Variants in ROBO2 observed in about 807,000 individuals in gnomAD.
The protein encoded by ROBO2 is roundabout homolog 2.
ROBO2 carries 53 observed loss-of-function variants against 160.8 expected under a neutral mutation model. The ratio of observed to expected loss-of-function variants is 0.33; its 90% CI spans 0.26 to 0.41. ROBO2 has a LOEUF of 0.41. Among genes scored for constraint, ROBO2 ranks in the 10% least tolerant of loss-of-function variants. The probability of loss-of-function intolerance (pLI) is 1.00; values close to 1 mark genes in which losing one functional copy is unlikely to be tolerated. For missense variants in ROBO2, 1,577 were observed against 1,722.4 expected (o/e 0.92, Z 1.49); for synonymous variants, 664 against 611.7 (o/e 1.09, Z -1.26).
rs539974671 is a variant in ROBO2, at chr3:76,954,845, A to G, written c.110-143169A>G. Among the ~76,000 whole-genome samples the G allele has an allele frequency of 6.3e-4, 96 of 152,338 alleles. 1 individual carries two copies. Among genetic ancestry groups the G allele is most frequent in the South Asian group, 3.3e-3 (16 of 4,832 alleles). ...TAAAGTCAGAAAGTAAATAATCAGA[A>G]TTTCCATGTACACATAAAAAATTAT... On this transcript the variant is annotated intron_variant, in intron 2 of 26. Transcript: ENST00000487694.
At chr3:77,461,989 G>A (rs909041053) in intron 2 of ROBO2, among the ~76,000 whole-genome samples, 1 of 152,164 alleles carries the variant, frequency 6.6e-6, no homozygotes, top group Non-Finnish European at 1.5e-5. Flanking sequence ...GCCTCTCAAA[G>A]TGCTGGGATT....
intron 2 of ROBO2, among the ~76,000 whole-genome samples, chr3:76,469,686 A>G (rs1314534010): frequency 6.6e-6 from 1 of 151,878 alleles, no homozygotes; most frequent in Non-Finnish European, 1.5e-5. Flanking sequence ...TCAGTTAACT[A>G]CTCATCACCT....
intron 2 of ROBO2, among the ~76,000 whole-genome samples, chr3:76,907,985 G>C (rs147482799): frequency 6.6e-6 from 1 of 151,918 alleles, no homozygotes; most frequent in African/African-American, 2.4e-5. Context: ...GATTATAGGC[G>C]CCCACCACCG....
At chr3:76,618,643 A>G (rs945871462) in intron 2 of ROBO2, among the ~76,000 whole-genome samples, 3 of 151,640 alleles carry the variant, frequency 2.0e-5, no homozygotes, top group African/African-American at 7.3e-5. Flanking sequence ...TAGCTTTCTC[A>G]TATGTGTATT....
intron 2 of ROBO2, among the ~76,000 whole-genome samples, chr3:77,383,910 C>G (rs2073824135): frequency 6.6e-6 from 1 of 151,960 alleles, no homozygotes; most frequent in African/African-American, 2.4e-5. Context: ...AAAAATAGGA[C>G]ATTAACTGTA....
chr3:76,526,292 A>C (rs1432468593), intron 2 of ROBO2, among the ~76,000 whole-genome samples: 1 of 152,040 alleles, frequency 6.6e-6, no homozygotes, highest in Non-Finnish European at 1.5e-5. Flanking sequence ...TAACCTTAAG[A>C]GTAGGTTTTG....
chr3:77,015,569 C>T (rs553213303), intron 2 of ROBO2, among the ~76,000 whole-genome samples: 2 of 152,254 alleles, frequency 1.3e-5, no homozygotes, highest in Non-Finnish European at 2.9e-5. Context: ...TGGGTAGCAT[C>T]ATAAAAAATC....
At position 76,873,910 on chromosome 3, in the gene ROBO2, G is replaced by A. The variant is rs541533679; in HGVS notation, c.110-224104G>A. Among the ~76,000 whole-genome samples, 8 of 152,108 alleles carry A rather than the reference G, an allele frequency of 5.3e-5. No individual in the cohort carries two copies. The South Asian group carries it at 6.3e-4, about 12-fold the overall frequency. On this transcript the variant is annotated intron_variant, in intron 2 of 26. Coordinates refer to the ROBO2 transcript ENST00000487694. ...TTACCACCCAGAAAGACAAGGCCTCGGCCTCCTCCTAATTTGATTATTGAC... is the reference window on the plus strand; with the variant it reads ...TTACCACCCAGAAAGACAAGGCCTCAGCCTCCTCCTAATTTGATTATTGAC...
intron 2 of ROBO2, among the ~76,000 whole-genome samples, chr3:76,704,527 G>T (rs2608140): frequency 0.38 from 58,413 of 151,800 alleles, 11,995 homozygotes; most frequent in Non-Finnish European, 0.47. Flanking sequence ...TTTGAAAGGG[G>T]TAACACGATG....
At chr3:77,632,844 ACTC>A in intron 23 of ROBO2, 1 of 423,660 alleles carries the variant, frequency 2.4e-6, no homozygotes, top group Non-Finnish European at 4.1e-6. Context: ...CCAAGAATAG[ACTC>A]CTCCTCAACA....
At chr3:76,218,651 A>G (rs1302460315) in intron 2 of ROBO2, among the ~76,000 whole-genome samples, 3 of 152,294 alleles carry the variant, frequency 2.0e-5, no homozygotes, top group South Asian at 4.1e-4. Context: ...CCACTGCTCA[A>G]GGAAATAAAA....
intron 2 of ROBO2, among the ~76,000 whole-genome samples, chr3:76,546,862 A>G (rs1320633927): frequency 1.3e-5 from 2 of 151,890 alleles, no homozygotes; most frequent in East Asian, 3.9e-4. Context: ...TGTCTTTGCT[A>G]TATTGACCTA....
intron 2 of ROBO2, among the ~76,000 whole-genome samples, chr3:76,666,666 C>A (rs180680810): frequency 6.6e-6 from 1 of 152,052 alleles, no homozygotes; most frequent in African/African-American, 2.4e-5. Flanking sequence ...CATCTAATAT[C>A]TCATCCCACC....
chr3:77,368,610 G>A (rs7623675), intron 2 of ROBO2, among the ~76,000 whole-genome samples: 8,991 of 152,234 alleles, frequency 0.059, 871 homozygotes, highest in African/African-American at 0.2. Context: ...TAAAATATTA[G>A]TTAATATGCC....
intron 2 of ROBO2, among the ~76,000 whole-genome samples, chr3:76,539,045 G>A (rs1440838095): frequency 6.6e-6 from 1 of 152,060 alleles, no homozygotes; most frequent in Non-Finnish European, 1.5e-5. Flanking sequence ...TCCTTTGCAG[G>A]GACATGGATG....
chr3:77,581,953 C>A (rs1483106207), intron 16 of ROBO2, among the ~76,000 whole-genome samples: 1 of 151,952 alleles, frequency 6.6e-6, no homozygotes, highest in Non-Finnish European at 1.5e-5. Context: ...ATTATTATAT[C>A]TTCTTTTTAA....
At chr3:75,912,030 T>C (rs1226574868) in intron 1 of ROBO2, among the ~76,000 whole-genome samples, 1 of 152,240 alleles carries the variant, frequency 6.6e-6, no homozygotes, top group African/African-American at 2.4e-5. Context: ...CCACATATTA[T>C]GTCCAAGTTT....
At chr3:77,123,625 A>G (rs932792494) in intron 2 of ROBO2, among the ~76,000 whole-genome samples, 3 of 151,790 alleles carry the variant, frequency 2.0e-5, no homozygotes, top group Non-Finnish European at 2.9e-5. Context: ...GAAACTGTTT[A>G]ACAATTCTAG....
intron 2 of ROBO2, among the ~76,000 whole-genome samples, chr3:76,856,082 A>G (rs563909976): frequency 6.6e-4 from 101 of 152,316 alleles, no homozygotes; most frequent in Admixed American, 2.6e-4. Context: ...CCCCATGAGC[A>G]GATAACATAA....
Sources: gnomAD v4.1 joint callset for allele counts (sites outside exome capture counted in the v4.1 genomes callset) on GRCh38, gnomAD v4.1.1 for gene constraint, MANE v1.5 for transcripts, NCBI Gene and HGNC (gene_info 2026-07-23, HGNC 2026-07-21) for gene names.